Variants in WDR7 observed in about 807,000 individuals in gnomAD.
The protein encoded by WDR7 is WD repeat domain 7.
Under a neutral mutation model 169.4 loss-of-function variants are expected in WDR7, and 46 were observed. The ratio of observed to expected loss-of-function variants is 0.27; its 90% CI spans 0.21 to 0.35. The LOEUF (loss-of-function observed/expected upper bound fraction) is 0.35, where lower values mean the gene tolerates loss of function less well. Among genes scored for constraint, WDR7 ranks in the 10% least tolerant of loss-of-function variants. The pLI is 1.00. For missense variants in WDR7, 1,534 were observed against 1,859.3 expected (o/e 0.83, Z 3.22); for synonymous variants, 612 against 666.8 (o/e 0.92, Z 1.27).
chr18:56,906,063 C>T (rs1364003055), intron 21 of WDR7, among the ~76,000 whole-genome samples: 4 of 152,060 alleles, frequency 2.6e-5, no homozygotes, highest in Non-Finnish European at 5.9e-5. Context: ...TATTAATGGA[C>T]CTGGGCAATC....
At chr18:56,809,362 G>C (rs1309659783) in intron 19 of WDR7, among the ~76,000 whole-genome samples, 2 of 150,746 alleles carry the variant, frequency 1.3e-5, no homozygotes, top group African/African-American at 2.5e-5. Context: ...ATGAGATAAA[G>C]TATTCAGTAT....
At chr18:56,794,404 G>A (rs2044548543) in intron 19 of WDR7, among the ~76,000 whole-genome samples, 1 of 138,666 alleles carries the variant, frequency 7.2e-6, no homozygotes, top group Admixed American at 8.1e-5. Flanking sequence ...CTGCCTCCTG[G>A]GTTCACGCCA....
chr18:56,941,210 A>G (rs1416672915), intron 25 of WDR7, among the ~76,000 whole-genome samples: 1 of 152,164 alleles, frequency 6.6e-6, no homozygotes, highest in Non-Finnish European at 1.5e-5. Flanking sequence ...AGAATTACAT[A>G]CCAGGGACTG....
At chr18:56,961,601 C>T (rs2047340784) in intron 25 of WDR7, among the ~76,000 whole-genome samples, 1 of 152,142 alleles carries the variant, frequency 6.6e-6, no homozygotes, top group South Asian at 2.1e-4. Flanking sequence ...CTTCAGGCCT[C>T]AGCCATGTAG....
chr18:56,983,437 T>C (rs116472423), intron 26 of WDR7, among the ~76,000 whole-genome samples: 1 of 152,180 alleles, frequency 6.6e-6, no homozygotes, highest in East Asian at 1.9e-4. Flanking sequence ...GGAAACCTGC[T>C]TCTAACTATA....
chr18:56,965,998 T>C (rs894857225), intron 26 of WDR7, among the ~76,000 whole-genome samples: 3 of 152,190 alleles, frequency 2.0e-5, no homozygotes, highest in Admixed American at 1.3e-4. Context: ...AAATAATATC[T>C]ATTATTGTTA....
intron 1 of WDR7, among the ~76,000 whole-genome samples, chr18:56,659,011 C>T (rs2024842468): frequency 6.6e-6 from 1 of 152,116 alleles, no homozygotes; most frequent in Non-Finnish European, 1.5e-5. Context: ...CCACCGCGCC[C>T]GGCCCCCTGT....
intron 21 of WDR7, among the ~76,000 whole-genome samples, chr18:56,887,565 AT>A (rs1203747287): frequency 6.6e-6 from 1 of 150,934 alleles, no homozygotes; most frequent in Non-Finnish European, 1.5e-5. Flanking sequence ...TGTCCTTGAT[AT>A]TTTTTTTCCT....
At chr18:56,991,094 C>G (rs1304662342) in intron 26 of WDR7, among the ~76,000 whole-genome samples, 1 of 150,664 alleles carries the variant, frequency 6.6e-6, no homozygotes, top group African/African-American at 2.5e-5. Context: ...TTGGACACAA[C>G]TTATGAAGAT....
intron 8 of WDR7, 112 bp from the exon 9 acceptor site, chr18:56,691,602 AC>A (rs2025571837): frequency 1.1e-6 from 1 of 925,234 alleles, no homozygotes; most frequent in African/African-American, 1.7e-5. Context: ...CATTAAATTA[AC>A]TATAATTTAA....
chr18:56,883,753 C>G (rs1387495953), intron 21 of WDR7, among the ~76,000 whole-genome samples: 1 of 152,120 alleles, frequency 6.6e-6, no homozygotes, highest in Non-Finnish European at 1.5e-5. Flanking sequence ...TGAGTGAGAA[C>G]ATACGATGTT....
At chr18:56,653,305 C>T (rs1334502851) in intron 1 of WDR7, among the ~76,000 whole-genome samples, 3 of 152,076 alleles carry the variant, frequency 2.0e-5, no homozygotes, top group Non-Finnish European at 4.4e-5. Context: ...ATCCCGGGCT[C>T]AAGCGATTCT....
intron 27 of WDR7, among the ~76,000 whole-genome samples, chr18:57,021,784 A>G (rs753714013): frequency 6.6e-6 from 1 of 152,348 alleles, no homozygotes; most frequent in Non-Finnish European, 1.5e-5. Flanking sequence ...GAATGCCAGT[A>G]TGTTTTATGA....
At chr18:56,812,651 A>C (rs1460208830) in intron 19 of WDR7, among the ~76,000 whole-genome samples, 2 of 152,178 alleles carry the variant, frequency 1.3e-5, no homozygotes, top group Non-Finnish European at 2.9e-5. Flanking sequence ...AGCCCTGAGA[A>C]CCTACAGGGT....
At chr18:56,697,771 A>G (rs548452608) in intron 12 of WDR7, among the ~76,000 whole-genome samples, 123 of 152,340 alleles carry the variant, frequency 8.1e-4, no homozygotes, top group South Asian at 1.2e-3. Context: ...AGATAATTCT[A>G]TACTAGTTTA....
At chr18:56,676,233 T>C (rs1183278934) in intron 2 of WDR7, among the ~76,000 whole-genome samples, 1 of 152,190 alleles carries the variant, frequency 6.6e-6, no homozygotes. Flanking sequence ...TCTTTTTTCA[T>C]CCCTTTATTT....
At chr18:56,779,688 T>C (rs2044289864) in intron 18 of WDR7, 139 bp downstream of exon 18, 1 of 688,648 alleles carries the variant, frequency 1.5e-6, no homozygotes. Flanking sequence ...ATTCATGATT[T>C]ATGTTTTCTT....
intron 26 of WDR7, among the ~76,000 whole-genome samples, chr18:56,963,388 A>G (rs1376036435): frequency 6.6e-6 from 1 of 152,172 alleles, no homozygotes. Flanking sequence ...GAAGAAATTC[A>G]TAAGGATGTA....
At chr18:56,672,388 C>A in intron 1 of WDR7, 109 bp from the exon 2 acceptor site, 54 of 648,410 alleles carry the variant, frequency 8.3e-5, no homozygotes, top group East Asian at 1.0e-4. Context: ...CTGTAATTCA[C>A]TCCCAGGAAT....
Sources: allele counts gnomAD v4.1 joint callset (sites outside exome capture counted in the v4.1 genomes callset), GRCh38; gene constraint gnomAD v4.1.1; transcripts MANE v1.5; gene names NCBI Gene and HGNC (gene_info 2026-07-23, HGNC 2026-07-21).